Variants in SERPINI1 observed in about 807,000 individuals in gnomAD.
SERPINI1 encodes the protein serpin family I member 1.
A neutral mutation model predicts 41.1 loss-of-function variants in SERPINI1; 19 were observed. That is an observed-to-expected ratio of 0.46 (90% CI 0.32 to 0.68). The LOEUF (loss-of-function observed/expected upper bound fraction) is 0.68. Ranked by LOEUF, SERPINI1 falls within the 30% of genes least tolerant of loss-of-function variation. The probability of loss-of-function intolerance (pLI) is 0.03; values close to 1 mark genes in which losing one functional copy is unlikely to be tolerated. For missense variants in SERPINI1, 460 were observed against 479.2 expected (o/e 0.96, Z 0.37); for synonymous variants, 138 against 156.6 (o/e 0.88, Z 0.89).
chr3:167,825,451 A>G lies in SERPINI1; in HGVS notation c.*128A>G. ...TTTAAAATAGTTCCAGATAAAAACAATATATGTAAATTATAAGTAACTTGT... is the reference window on the plus strand; with the variant it reads ...TTTAAAATAGTTCCAGATAAAAACAGTATATGTAAATTATAAGTAACTTGT... On this transcript the variant is annotated 3_prime_UTR_variant, in exon 9 of 9. Transcript: ENST00000446050. 1.5e-6 allele frequency: 1 copy of G among 676,782 alleles called. No homozygotes were observed. 41.9% of individuals were successfully genotyped at this position (676,782 alleles called of 1,614,324 possible). A position where few individuals can be genotyped will look rare whatever the true frequency, so the allele number is the denominator to read the frequency against.
At chr3:167,739,900 A>G (rs767080442) in intron 1 of SERPINI1, among the ~76,000 whole-genome samples, 16 of 152,196 alleles carry the variant, frequency 1.1e-4, no homozygotes, top group Non-Finnish European at 2.1e-4. Context: ...TTAATTGTAT[A>G]TAGTTTTTTA....
intron 6 of SERPINI1, among the ~76,000 whole-genome samples, chr3:167,818,106 A>T (rs772389002): frequency 7.2e-5 from 11 of 151,828 alleles, no homozygotes; most frequent in Non-Finnish European, 1.5e-4. Flanking sequence ...GCTCACCGCA[A>T]CCTCTGCCTC....
intron 5 of SERPINI1, among the ~76,000 whole-genome samples, chr3:167,804,216 T>C (rs544745702): frequency 1.3e-5 from 2 of 152,326 alleles, no homozygotes; most frequent in African/African-American, 4.8e-5. Flanking sequence ...TTTAGTTTGT[T>C]TGATATACAT....
At chr3:167,786,122 TTG>T (rs927545824) in intron 1 of SERPINI1, among the ~76,000 whole-genome samples, 1 of 152,216 alleles carries the variant, frequency 6.6e-6, no homozygotes, top group African/African-American at 2.4e-5. Context: ...ACAGTGGTAT[TTG>T]TGTATCTAAA....
At chr3:167,744,764 A>T (rs1299838100) in intron 1 of SERPINI1, among the ~76,000 whole-genome samples, 4 of 102,512 alleles carry the variant, frequency 3.9e-5, no homozygotes, top group Admixed American at 1.1e-4. Flanking sequence ...TTATATATTA[A>T]ATATATATTA....
intron 6 of SERPINI1, among the ~76,000 whole-genome samples, chr3:167,807,568 TA>T (rs1711692724): frequency 6.6e-6 from 1 of 152,222 alleles, no homozygotes; most frequent in Non-Finnish European, 1.5e-5. Flanking sequence ...CAATAGATTA[TA>T]TTCTCCGGAA....
At chr3:167,743,625 T>G (rs1275639287) in intron 1 of SERPINI1, among the ~76,000 whole-genome samples, 2 of 152,112 alleles carry the variant, frequency 1.3e-5, no homozygotes, top group Non-Finnish European at 2.9e-5. Context: ...TTCTAAACTC[T>G]TCTACAAACA....
chr3:167,750,523 T>G (rs1026912969), intron 1 of SERPINI1, among the ~76,000 whole-genome samples: 1 of 152,310 alleles, frequency 6.6e-6, no homozygotes, highest in Non-Finnish European at 1.5e-5. Flanking sequence ...GAAGAGAAAG[T>G]GAAAGGTTTA....
chr3:167,744,867 A>AT (rs1187523609), intron 1 of SERPINI1, among the ~76,000 whole-genome samples: 1 of 135,670 alleles, frequency 7.4e-6, no homozygotes, highest in East Asian at 2.0e-4. Context: ...ATATATATAT[A>AT]AATATATATA....
chr3:167,749,995 A>G (rs1054561049), intron 1 of SERPINI1, among the ~76,000 whole-genome samples: 3 of 152,192 alleles, frequency 2.0e-5, no homozygotes, highest in African/African-American at 7.2e-5. Context: ...TTAAAAAATG[A>G]CCTTCAGGCA....
At chr3:167,782,855 A>G (rs1437194302) in intron 1 of SERPINI1, among the ~76,000 whole-genome samples, 3 of 152,204 alleles carry the variant, frequency 2.0e-5, no homozygotes, top group Non-Finnish European at 4.4e-5. Flanking sequence ...AAAGAGAACT[A>G]CACAAGCCAG....
At chr3:167,802,523 A>G (rs1271435954) in intron 5 of SERPINI1, among the ~76,000 whole-genome samples, 4 of 151,776 alleles carry the variant, frequency 2.6e-5, no homozygotes, top group Non-Finnish European at 5.9e-5. Context: ...AACACATGAA[A>G]AAATGCTCAC....
intron 5 of SERPINI1, among the ~76,000 whole-genome samples, chr3:167,796,994 C>CT: frequency 6.6e-6 from 1 of 152,210 alleles, no homozygotes; most frequent in East Asian, 1.9e-4. Flanking sequence ...AAAAAAGTTC[C>CT]TTTTTCTCCA....
chr3:167,772,850 C>CTCTCTCTCTCTA (rs1726812111), intron 1 of SERPINI1, among the ~76,000 whole-genome samples: 1 of 26,396 alleles, frequency 3.8e-5, no homozygotes, highest in African/African-American at 1.5e-4. Context: ...CTCTCTCTCT[C>CTCTCTCTCTCTA]TCTCTCTCTC....
intron 6 of SERPINI1, among the ~76,000 whole-genome samples, chr3:167,816,887 A>G (rs769876422): frequency 6.6e-6 from 1 of 152,100 alleles, no homozygotes; most frequent in African/African-American, 2.4e-5. Context: ...AAAGCGTGCT[A>G]TGTTGAGGCT....
At chr3:167,786,969 A>G (rs1727337727) in intron 1 of SERPINI1, among the ~76,000 whole-genome samples, 1 of 152,220 alleles carries the variant, frequency 6.6e-6, no homozygotes, top group Admixed American at 6.5e-5. Context: ...GACACATCAT[A>G]CAGCTGTACA....
chr3:167,790,280 A>G (rs1056976792), intron 2 of SERPINI1, 92 bp from the exon 3 acceptor site: 1 of 942,088 alleles, frequency 1.1e-6, no homozygotes, highest in Non-Finnish European at 1.7e-6. Flanking sequence ...TGTTTGGTTA[A>G]TCTCCCTTGC....
chr3:167,760,817 T>C (rs1726354179), intron 1 of SERPINI1, among the ~76,000 whole-genome samples: 1 of 152,138 alleles, frequency 6.6e-6, no homozygotes, highest in Non-Finnish European at 1.5e-5. Flanking sequence ...ACATTTAAGA[T>C]CAATTCATCA....
intron 1 of SERPINI1, among the ~76,000 whole-genome samples, chr3:167,784,087 C>T (rs1727227334): frequency 6.6e-6 from 1 of 152,096 alleles, no homozygotes; most frequent in African/African-American, 2.4e-5. Context: ...ATCCCATTTT[C>T]CCCAGTAAGA....
Sources: allele counts gnomAD v4.1 joint callset (sites outside exome capture counted in the v4.1 genomes callset), GRCh38; gene constraint gnomAD v4.1.1; transcripts MANE v1.5; gene names NCBI Gene and HGNC (gene_info 2026-07-23, HGNC 2026-07-21).